Variants in STARD13 observed in about 807,000 individuals in gnomAD.
STARD13 encodes stAR-related lipid transfer protein 13.
Under a neutral mutation model 106.4 loss-of-function variants are expected in STARD13, and 62 were observed. The ratio of observed to expected loss-of-function variants is 0.58; its 90% CI spans 0.48 to 0.72. STARD13 has a LOEUF of 0.72. Among genes scored for constraint, STARD13 ranks in the 30% least tolerant of loss-of-function variants. STARD13 has a pLI of 0.00. For missense variants in STARD13, 1,387 were observed against 1,424.0 expected, an observed-to-expected ratio of 0.97 and a Z score of 0.42; for synonymous variants, 565 against 553.0, an observed-to-expected ratio of 1.02 and a Z score of -0.31.
the STARD13 span, among the ~76,000 whole-genome samples, chr13:33,675,503 G>A: frequency 2.0e-5 from 3 of 152,154 alleles, no homozygotes; most frequent in East Asian, 5.8e-4. Context: ...CCTGTGTCAT[G>A]GGAATATGCC....
chr13:33,196,018 A>G (rs1301410290), intron 1 of STARD13, among the ~76,000 whole-genome samples: 3 of 152,202 alleles, frequency 2.0e-5, no homozygotes, highest in African/African-American at 7.2e-5. Flanking sequence ...TGCTCTCCAA[A>G]ATAGGGTTCA....
chr13:33,404,039 AGTTT>A, the STARD13 span, among the ~76,000 whole-genome samples: 1 of 152,184 alleles, frequency 6.6e-6, no homozygotes, highest in African/African-American at 2.4e-5. Flanking sequence ...TTTCATCGTT[AGTTT>A]AATAGCTAGT....
chr13:33,443,464 A>G, the STARD13 span, among the ~76,000 whole-genome samples: 6 of 152,226 alleles, frequency 3.9e-5, no homozygotes, highest in African/African-American at 1.2e-4. Context: ...CCCCCCAAAA[A>G]AAAAACACTA....
At chr13:33,429,379 G>A in the STARD13 span, among the ~76,000 whole-genome samples, 2 of 152,102 alleles carry the variant, frequency 1.3e-5, no homozygotes, top group East Asian at 1.9e-4. Flanking sequence ...GGCGGATCAC[G>A]AGGTCAGCAG....
chr13:33,264,868 C>T (rs371985211), intron 1 of STARD13, among the ~76,000 whole-genome samples: 1 of 152,152 alleles, frequency 6.6e-6, no homozygotes, highest in East Asian at 1.9e-4. Flanking sequence ...ATAACCTCTG[C>T]CCATCTTGAC....
chr13:33,552,532 G>A, the STARD13 span, among the ~76,000 whole-genome samples: 1 of 152,196 alleles, frequency 6.6e-6, no homozygotes, highest in Non-Finnish European at 1.5e-5. Flanking sequence ...TGTGGTGCAA[G>A]TGAGCAACTC....
the STARD13 span, among the ~76,000 whole-genome samples, chr13:33,381,109 G>A: frequency 1.3e-5 from 2 of 152,074 alleles, no homozygotes; most frequent in Non-Finnish European, 2.9e-5. Context: ...GTATATTTGA[G>A]GGAACAAATG....
At chr13:33,375,961 T>C in the STARD13 span, among the ~76,000 whole-genome samples, 13 of 152,132 alleles carry the variant, frequency 8.5e-5, no homozygotes, top group Admixed American at 8.5e-4. Flanking sequence ...TGACCATACT[T>C]TACTGGTTTT....
At chr13:33,552,734 A>G in the STARD13 span, among the ~76,000 whole-genome samples, 2 of 152,228 alleles carry the variant, frequency 1.3e-5, no homozygotes, top group African/African-American at 2.4e-5. Flanking sequence ...GAAAGAATTA[A>G]AAAGAGATAA....
At chr13:33,635,466 T>C in the STARD13 span, among the ~76,000 whole-genome samples, 1 of 151,840 alleles carries the variant, frequency 6.6e-6, no homozygotes, top group Non-Finnish European at 1.5e-5. Context: ...GAGACCATCC[T>C]GGCTAACATG....
the STARD13 span, among the ~76,000 whole-genome samples, chr13:33,599,478 T>G: frequency 6.6e-6 from 1 of 152,186 alleles, no homozygotes; most frequent in Non-Finnish European, 1.5e-5. Context: ...ATTTCCTTAT[T>G]AATAAAAGAA....
At chr13:33,443,888 C>CAAAAAA in the STARD13 span, among the ~76,000 whole-genome samples, 4 of 50,202 alleles carry the variant, frequency 8.0e-5, no homozygotes, top group African/African-American at 1.2e-4. Flanking sequence ...GACTCAGTCT[C>CAAAAAA]AAAAAAAAAA....
the STARD13 span, among the ~76,000 whole-genome samples, chr13:33,395,542 C>T: frequency 6.6e-6 from 1 of 152,114 alleles, no homozygotes; most frequent in Admixed American, 6.6e-5. Flanking sequence ...ATGAGCCAGA[C>T]AGACCACCCT....
At chr13:33,333,227 T>C (rs1210324645) in intron 1 of STARD13, among the ~76,000 whole-genome samples, 1 of 151,804 alleles carries the variant, frequency 6.6e-6, no homozygotes. Flanking sequence ...CCATCTCTAC[T>C]AAAAATACAA....
intron 1 of STARD13, among the ~76,000 whole-genome samples, chr13:33,330,368 G>A (rs1448976760): frequency 6.6e-6 from 1 of 152,148 alleles, no homozygotes; most frequent in Admixed American, 6.5e-5. Flanking sequence ...CTTTTCACAT[G>A]TTTATTGGCA....
At chr13:33,622,184 A>C in the STARD13 span, among the ~76,000 whole-genome samples, 1 of 152,250 alleles carries the variant, frequency 6.6e-6, no homozygotes, top group Non-Finnish European at 1.5e-5. Context: ...GTCAGAGCAT[A>C]GTGGAAGAGG....
the STARD13 span, among the ~76,000 whole-genome samples, chr13:33,357,369 T>C: frequency 6.6e-6 from 1 of 152,240 alleles, no homozygotes; most frequent in Non-Finnish European, 1.5e-5. Flanking sequence ...GTGTTCCACA[T>C]TCTAGAGGAA....
intron 8 of STARD13, chr13:33,113,216 T>C: frequency 2.1e-6 from 1 of 467,374 alleles, no homozygotes; most frequent in Non-Finnish European, 3.9e-6. Context: ...TGGTTTTCTG[T>C]ATTCTGAGCA....
the STARD13 span, among the ~76,000 whole-genome samples, chr13:33,406,804 G>A: frequency 6.6e-6 from 1 of 152,306 alleles, no homozygotes; most frequent in South Asian, 2.1e-4. Flanking sequence ...TGATAGTAGA[G>A]AGCTGAAACA....
Sources: allele counts gnomAD v4.1 joint callset (sites outside exome capture counted in the v4.1 genomes callset), GRCh38; gene constraint gnomAD v4.1.1; transcripts MANE v1.5; gene names NCBI Gene and HGNC (gene_info 2026-07-23, HGNC 2026-07-21).